Variants in CNTN5 observed in about 807,000 individuals in gnomAD.
CNTN5 encodes the protein contactin-5.
Under a neutral mutation model 129.1 loss-of-function variants are expected in CNTN5, and 77 were observed. The observed-to-expected ratio is 0.60, with a 90% confidence interval of 0.50 to 0.72. The LOEUF (loss-of-function observed/expected upper bound fraction) is 0.72, where lower values mean the gene tolerates loss of function less well. CNTN5 is among the 30% of genes least tolerant of loss of function. The probability of loss-of-function intolerance (pLI) is 0.00; values close to 1 mark genes in which losing one functional copy is unlikely to be tolerated. For synonymous variants in CNTN5, 509 were observed against 465.6 expected (o/e 1.09, Z -1.20); for missense variants, 1,478 against 1,328.8 (o/e 1.11, Z -1.75).
At chr11:100,293,736 C>T (rs2138870892) in intron 18 of CNTN5, among the ~76,000 whole-genome samples, 1 of 151,856 alleles carries the variant, frequency 6.6e-6, no homozygotes, top group Admixed American at 6.6e-5. Context: ...CTTACTCCCA[C>T]TTCTCACTCC....
At chr11:99,718,655 T>C (rs1943065196) in intron 3 of CNTN5, among the ~76,000 whole-genome samples, 1 of 152,098 alleles carries the variant, frequency 6.6e-6, no homozygotes, top group Non-Finnish European at 1.5e-5. Flanking sequence ...GAACAGAATA[T>C]GAGGATGGTA....
intron 1 of CNTN5, among the ~76,000 whole-genome samples, chr11:99,322,945 C>T (rs1396492230): frequency 6.6e-6 from 1 of 152,076 alleles, no homozygotes; most frequent in Non-Finnish European, 1.5e-5. Flanking sequence ...GTGTGTGAAG[C>T]AAGGTTGTGA....
At chr11:99,204,744 A>G (rs1414410480) in intron 1 of CNTN5, among the ~76,000 whole-genome samples, 2 of 152,198 alleles carry the variant, frequency 1.3e-5, no homozygotes, top group African/African-American at 4.8e-5. Flanking sequence ...AATGGCCTTC[A>G]GTGAGGTTTG....
At chr11:99,522,321 T>C (rs1190410513) in intron 2 of CNTN5, among the ~76,000 whole-genome samples, 1 of 152,170 alleles carries the variant, frequency 6.6e-6, no homozygotes, top group Non-Finnish European at 1.5e-5. Context: ...TTTTACCAAA[T>C]TACTGAATTT....
intron 16 of CNTN5, chr11:100,225,518 TTCCTC>T (rs1158090744): frequency 3.9e-5 from 6 of 152,218 alleles, no homozygotes; most frequent in African/African-American, 1.4e-4. Flanking sequence ...TTTCTTTCCT[TTCCTC>T]CTTCCTTCTT....
intron 14 of CNTN5, among the ~76,000 whole-genome samples, chr11:100,192,023 A>G (rs1192662802): frequency 2.6e-5 from 4 of 152,036 alleles, no homozygotes; most frequent in African/African-American, 4.8e-5. Context: ...TAAAATAAAA[A>G]TGTAATTAAT....
intron 3 of CNTN5, among the ~76,000 whole-genome samples, chr11:99,804,360 A>G (rs991853608): frequency 1.3e-5 from 2 of 152,064 alleles, no homozygotes; most frequent in Non-Finnish European, 2.9e-5. Context: ...CAAAAACATA[A>G]TGTGATATTT....
chr11:99,050,766 A>C (rs1475235073), intron 1 of CNTN5, among the ~76,000 whole-genome samples: 5 of 151,836 alleles, frequency 3.3e-5, no homozygotes, highest in Non-Finnish European at 7.4e-5. Context: ...TTTCCTCAAC[A>C]AATAAACACA....
intron 6 of CNTN5, among the ~76,000 whole-genome samples, chr11:99,862,123 A>G (rs1948225482): frequency 6.6e-6 from 1 of 152,208 alleles, no homozygotes; most frequent in South Asian, 2.1e-4. Context: ...AATACAAAAC[A>G]TACAAATTAA....
intron 13 of CNTN5, among the ~76,000 whole-genome samples, chr11:100,076,373 A>G (rs1215739126): frequency 6.6e-6 from 1 of 152,154 alleles, no homozygotes; most frequent in Admixed American, 6.6e-5. Context: ...AAAATGACAC[A>G]TGGTGAGTTT....
chr11:99,491,357 T>C (rs1223869442), intron 2 of CNTN5, among the ~76,000 whole-genome samples: 1 of 152,108 alleles, frequency 6.6e-6, no homozygotes, highest in Non-Finnish European at 1.5e-5. Context: ...ATTGCTAACA[T>C]ACTGTCAAAA....
intron 6 of CNTN5, among the ~76,000 whole-genome samples, chr11:99,849,281 A>G (rs193207093): frequency 1.3e-5 from 2 of 151,782 alleles, no homozygotes; most frequent in East Asian, 3.9e-4. Context: ...AAAATTACAT[A>G]TTTTCAAAGA....
intron 3 of CNTN5, among the ~76,000 whole-genome samples, chr11:99,567,689 A>G (rs1591290662): frequency 6.6e-6 from 1 of 152,164 alleles, no homozygotes; most frequent in Non-Finnish European, 1.5e-5. Flanking sequence ...TGGCTCCTCC[A>G]TGATCAAATT....
chr11:100,345,085 T>A (rs1418347268), intron 23 of CNTN5, among the ~76,000 whole-genome samples: 26 of 152,258 alleles, frequency 1.7e-4, no homozygotes, highest in Admixed American at 1.6e-3. Flanking sequence ...ACTGTCTTAG[T>A]CCTTTTGCGC....
intron 3 of CNTN5, among the ~76,000 whole-genome samples, chr11:99,752,761 A>G (rs755925722): frequency 5.3e-5 from 8 of 152,196 alleles, no homozygotes; most frequent in Non-Finnish European, 1.2e-4. Flanking sequence ...CCACTTTAGA[A>G]TTTTTGAAAA....
At chr11:100,162,541 T>G (rs1164037302) in intron 13 of CNTN5, among the ~76,000 whole-genome samples, 2 of 151,874 alleles carry the variant, frequency 1.3e-5, no homozygotes, top group Non-Finnish European at 2.9e-5. Context: ...TTTGATACAA[T>G]TCCTCCAAGA....
intron 16 of CNTN5, among the ~76,000 whole-genome samples, chr11:100,225,797 CTA>C (rs1949360645): frequency 6.6e-6 from 1 of 151,992 alleles, no homozygotes; most frequent in South Asian, 2.1e-4. Flanking sequence ...TAGCAAGAAA[CTA>C]TATTTTAGAT....
chr11:99,514,410 C>T lies in CNTN5; in HGVS notation c.-70-41735C>T, dbSNP rs1259101089. Among the ~76,000 whole-genome samples, 3 of 152,090 alleles carry T rather than the reference C, an allele frequency of 2.0e-5. No homozygotes were observed. The East Asian group carries it at 5.8e-4, about 29-fold the overall frequency. ...ATTGACTTCAATTCTGAAAGACATT[C>T]TACCATGGGCAAAATGTTATCAAAC... On this transcript the variant is annotated intron_variant, in intron 2 of 24. Coordinates refer to ENST00000524871, the MANE Select transcript of CNTN5 (RefSeq NM_014361.4).
Position 99,270,072 on chromosome 11 carries a change from C to A in CNTN5, c.-209-55274C>A, listed in dbSNP as rs1019599784. Among the ~76,000 whole-genome samples the A allele has an allele frequency of 2.6e-5, 4 of 151,632 alleles. No homozygotes were observed. The Admixed American group carries it at 2.6e-4, about 10-fold the overall frequency. On this transcript the variant is annotated intron_variant, in intron 1 of 24. Coordinates refer to ENST00000524871, the MANE Select transcript of CNTN5 (RefSeq NM_014361.4). The stretch of plus-strand genomic sequence containing the variant: ...TCTTTATTTACTTACCAGTCGTGTA[C>A]GTTTGTATCCTGTGCTCATTTTAAC...
Sources: gnomAD v4.1 joint callset for allele counts (sites outside exome capture counted in the v4.1 genomes callset) on GRCh38, gnomAD v4.1.1 for gene constraint, MANE v1.5 for transcripts, NCBI Gene and HGNC (gene_info 2026-07-23, HGNC 2026-07-21) for gene names.